The following ZDHHC2 variants were observed in gnomAD, a reference collection of about 807,000 sequenced individuals.
ZDHHC2 encodes the protein palmitoyltransferase ZDHHC2.
Under a neutral mutation model 55.6 loss-of-function variants are expected in ZDHHC2, and 51 were observed. That is an observed-to-expected ratio of 0.92 (90% CI 0.73 to 1.16). The LOEUF (loss-of-function observed/expected upper bound fraction) is 1.16. Ranked by LOEUF, ZDHHC2 falls within the 50% of genes most tolerant of loss-of-function variation. The pLI is 0.00. For synonymous variants in ZDHHC2, 199 were observed against 152.9 expected, an observed-to-expected ratio of 1.30 and a Z score of -2.22; for missense variants, 491 against 442.4, an observed-to-expected ratio of 1.11 and a Z score of -0.99.
At chr8:17,171,371 G>T (rs968453780) in intron 1 of ZDHHC2, among the ~76,000 whole-genome samples, 10 of 152,176 alleles carry the variant, frequency 6.6e-5, no homozygotes, top group Admixed American at 3.9e-4. Context: ...ACTAAGATCA[G>T]GGGGCCAGCC....
intron 8 of ZDHHC2, among the ~76,000 whole-genome samples, chr8:17,209,215 G>A (rs73198531): frequency 0.036 from 5,418 of 152,278 alleles, 153 homozygotes; most frequent in Non-Finnish European, 0.051. Context: ...GGCAGAATGA[G>A]CATCACCAGA....
At chr8:17,176,149 T>C (rs1805117967) in intron 1 of ZDHHC2, among the ~76,000 whole-genome samples, 1 of 152,210 alleles carries the variant, frequency 6.6e-6, no homozygotes, top group Admixed American at 6.5e-5. Flanking sequence ...AATGAGATCA[T>C]GGTTTTCTTA....
Position 17,199,497 on chromosome 8 carries a change from T to TCTTCG in ZDHHC2, c.476+1084_476+1085insCTTCG, listed in dbSNP as rs1554465961. Among the ~76,000 whole-genome samples, 348 of 52,646 alleles carry TCTTCG rather than the reference T, an allele frequency of 6.6e-3. 2 individuals are homozygous for TCTTCG. The highest frequency in any genetic ancestry group is 0.023 in the Admixed American group (116 of 5,098). 34.5% of individuals were successfully genotyped at this position (52,646 alleles called of 152,430 possible). ...CTTCTTCTTCTTCTTCTTCTTCTTC[T>TCTTCG]TCTTCTTCTTCTTCTTCGTCTTCGT... On this transcript the variant is annotated intron_variant, in intron 6 of 12. Coordinates refer to ENST00000262096, the MANE Select transcript of ZDHHC2 (RefSeq NM_016353.5).
intron 4 of ZDHHC2, among the ~76,000 whole-genome samples, chr8:17,196,581 TAA>T (rs111516017): frequency 9.1e-5 from 13 of 142,784 alleles, no homozygotes; most frequent in Middle Eastern, 3.6e-3. Context: ...AAAAAATGTT[TAA>T]AAAAAAAAAA....
At chr8:17,215,800 G>A (rs186668140) in intron 11 of ZDHHC2, among the ~76,000 whole-genome samples, 25 of 152,232 alleles carry the variant, frequency 1.6e-4, no homozygotes, top group African/African-American at 4.3e-4. Context: ...AGCTGCCTGC[G>A]ATTTCTTCAT....
At chr8:17,217,374 G>A (rs932300985) in intron 12 of ZDHHC2, 128 bp downstream of exon 12, 2 of 684,366 alleles carry the variant, frequency 2.9e-6, no homozygotes, top group Non-Finnish European at 4.7e-6. Context: ...TACCTGACTT[G>A]TGAGATTGCA....
chr8:17,174,760 G>C (rs1327680880), intron 1 of ZDHHC2, among the ~76,000 whole-genome samples: 1 of 144,322 alleles, frequency 6.9e-6, no homozygotes, highest in Admixed American at 7.1e-5. Flanking sequence ...GCCCAGGCTG[G>C]AGTGCAGTGG....
intron 1 of ZDHHC2, among the ~76,000 whole-genome samples, chr8:17,164,245 GT>G (rs1804494694): frequency 6.6e-6 from 1 of 152,060 alleles, no homozygotes; most frequent in South Asian, 2.1e-4. Flanking sequence ...TGCCTGAAGT[GT>G]TATAAAATCC....
intron 1 of ZDHHC2, among the ~76,000 whole-genome samples, chr8:17,157,200 G>A (rs758855480): frequency 1.3e-5 from 2 of 152,180 alleles, no homozygotes; most frequent in Non-Finnish European, 2.9e-5. Context: ...AGGCCGGCGA[G>A]GCGCGCCGGG....
chr8:17,186,902 G>A (rs1052462225), intron 3 of ZDHHC2, among the ~76,000 whole-genome samples: 2 of 152,172 alleles, frequency 1.3e-5, no homozygotes, highest in African/African-American at 2.4e-5. Context: ...TCTCTGCCAC[G>A]TGTAGCCTCC....
intron 1 of ZDHHC2, among the ~76,000 whole-genome samples, chr8:17,172,988 A>G (rs1804939148): frequency 6.6e-6 from 1 of 152,198 alleles, no homozygotes; most frequent in African/African-American, 2.4e-5. Flanking sequence ...TTGTAAAATT[A>G]TGTTTGCAGA....
At chr8:17,161,274 T>C (rs1431263582) in intron 1 of ZDHHC2, among the ~76,000 whole-genome samples, 2 of 152,226 alleles carry the variant, frequency 1.3e-5, no homozygotes, top group Non-Finnish European at 2.9e-5. Context: ...TTTCTTGTTA[T>C]TGATTTTAAA....
chr8:17,202,100 G>C (rs929491153), intron 6 of ZDHHC2, among the ~76,000 whole-genome samples: 1 of 152,082 alleles, frequency 6.6e-6, no homozygotes, highest in Admixed American at 6.6e-5. Context: ...CTTGCCAAAG[G>C]TTAAGTAACA....
intron 1 of ZDHHC2, 113 bp from the exon 2 acceptor site, chr8:17,184,676 A>G: frequency 1.2e-6 from 1 of 826,700 alleles, no homozygotes; most frequent in Non-Finnish European, 1.9e-6. Flanking sequence ...TATTTAGAGA[A>G]TGTTGGTTTG....
At position 17,189,043 on chromosome 8, in the gene ZDHHC2, C is replaced by T. The variant is rs117266877; in HGVS notation, c.252+2618C>T. On this transcript the variant is annotated intron_variant, in intron 3 of 12. Coordinates refer to ENST00000262096, the MANE Select transcript of ZDHHC2 (RefSeq NM_016353.5). Reference sequence around the variant, plus strand: ...TCCCTGCTCCCACCCCGGTCCAAGCCACCATCCTCTCTCATTTATAGATTT... The same window carrying T: ...TCCCTGCTCCCACCCCGGTCCAAGCTACCATCCTCTCTCATTTATAGATTT... Among the ~76,000 whole-genome samples, 1,085 of 151,884 alleles carry T rather than the reference C, an allele frequency of 7.1e-3. 13 individuals carry two copies. The highest frequency in any genetic ancestry group is 0.014 in the Middle Eastern group (4 of 290).
intron 6 of ZDHHC2, among the ~76,000 whole-genome samples, chr8:17,199,465 A>ACTTCTTCTTCTTCGTCTTCTT (rs1483849530): frequency 1.0e-5 from 1 of 98,558 alleles, no homozygotes; most frequent in African/African-American, 4.0e-5. Flanking sequence ...CTTTAATAAG[A>ACTTCTTCTTCTTCGTCTTCTT]CTTCTTCTTC....
intron 3 of ZDHHC2, among the ~76,000 whole-genome samples, chr8:17,193,849 A>G (rs926119321): frequency 2.0e-5 from 3 of 152,126 alleles, no homozygotes; most frequent in Admixed American, 2.0e-4. Flanking sequence ...TACACGTGCC[A>G]TGGTGATTTG....
intron 2 of ZDHHC2, among the ~76,000 whole-genome samples, chr8:17,185,789 G>C (rs1268111150): frequency 6.6e-6 from 1 of 152,184 alleles, no homozygotes; most frequent in Non-Finnish European, 1.5e-5. Context: ...ATTGTCCCAT[G>C]TAATAAATAA....
intron 1 of ZDHHC2, among the ~76,000 whole-genome samples, chr8:17,159,926 G>A (rs1023811064): frequency 2.0e-5 from 3 of 152,004 alleles, no homozygotes; most frequent in Non-Finnish European, 4.4e-5. Context: ...GGCTTCTTTT[G>A]TGTTTTAACT....
Sources: gnomAD v4.1 joint callset for allele counts (sites outside exome capture counted in the v4.1 genomes callset) on GRCh38, gnomAD v4.1.1 for gene constraint, MANE v1.5 for transcripts, NCBI Gene and HGNC (gene_info 2026-07-23, HGNC 2026-07-21) for gene names.